Variants in ECE1 observed in about 807,000 individuals in gnomAD.
ECE1 encodes the protein endothelin converting enzyme 1, also known as endothelin-converting enzyme 1.
ECE1 carries 35 observed loss-of-function variants against 98.6 expected under a neutral mutation model. That is an observed-to-expected ratio of 0.35 (90% confidence interval 0.27 to 0.47). The LOEUF (loss-of-function observed/expected upper bound fraction) is 0.47. ECE1 is among the 20% of genes least tolerant of loss of function. ECE1 has a pLI of 1.00. For missense variants in ECE1, 814 were observed against 1,025.3 expected (o/e 0.79, Z 2.81); for synonymous variants, 394 against 407.1 (o/e 0.97, Z 0.39).
intron 2 of ECE1, chr1:21,279,560 G>A (rs2098251954): frequency 2.8e-6 from 4 of 1,444,172 alleles, no homozygotes; most frequent in Non-Finnish European, 3.6e-6. Flanking sequence ...AAGCAGCTCG[G>A]CCCCGACAGG....
chr1:21,290,675 G>A (rs1021113269), upstream of ECE1, among the ~76,000 whole-genome samples: 3 of 152,300 alleles, frequency 2.0e-5, no homozygotes, highest in East Asian at 1.9e-4. The surrounding 1 kb of genome is among the most constrained non-coding windows in gnomAD (Gnocchi z 7.3). Flanking sequence ...CCCCTCCTTC[G>A]AGAAAATCTT....
At chr1:21,259,992 C>T (rs1335238920) in intron 5 of ECE1, among the ~76,000 whole-genome samples, 4 of 152,216 alleles carry the variant, frequency 2.6e-5, no homozygotes, top group Admixed American at 2.6e-4. Context: ...CACACAGATG[C>T]ACAGAGAGAC....
At position 21,258,836 on chromosome 1, in the gene ECE1, C is replaced by A; in HGVS notation, c.619G>T (p.Gly207Trp). Residue 207 changes from glycine (G) to tryptophan (W), a missense_variant, in exon 6 of 19, where the codon GGG becomes TGG. By Grantham distance (184) the Gly-to-Trp change is radical (BLOSUM62 -2). Transcript: ENST00000374893. The surrounding 1 kb of genome is among the most constrained non-coding windows in gnomAD (Gnocchi z 4.2). ...KPLMELIERL[G>W]GWNITGPWAK... Reference sequence around the variant, plus strand: ...CAGGGACCTGTGATGTTCCAGCCCCCGAGCTGTGGGGAGGGAGAGCAGGCA... The same window carrying A: ...CAGGGACCTGTGATGTTCCAGCCCCAGAGCTGTGGGGAGGGAGAGCAGGCA... 1 of 1,614,134 alleles carries A rather than the reference C, an allele frequency of 6.2e-7. No homozygotes were observed. Among genetic ancestry groups the A allele is most frequent in the Non-Finnish European group, 8.5e-7 (1 of 1,180,024 alleles).
intron 16 of ECE1, among the ~76,000 whole-genome samples, chr1:21,226,865 A>G (rs2098174991): frequency 6.6e-6 from 1 of 152,126 alleles, no homozygotes; most frequent in Non-Finnish European, 1.5e-5. Flanking sequence ...AGCTGGGATT[A>G]CAGGCACCCG....
At chr1:21,310,219 C>A (rs567305008) in intron 1 of ECE1, among the ~76,000 whole-genome samples, 2 of 152,186 alleles carry the variant, frequency 1.3e-5, no homozygotes, top group Non-Finnish European at 2.9e-5. Context: ...TCTCCCCTGC[C>A]TCATCTTCCA....
intron 10 of ECE1, among the ~76,000 whole-genome samples, chr1:21,241,058 T>C (rs2098195523): frequency 6.6e-6 from 1 of 152,190 alleles, no homozygotes; most frequent in Non-Finnish European, 1.5e-5. Context: ...AGACATGTAA[T>C]TGCACCATCC....
chr1:21,258,969 A>G lies in ECE1; in HGVS notation c.616-130T>C. 7.5e-7 allele frequency: 1 copy of G among 1,326,208 alleles called. No individual in the cohort carries two copies. Among genetic ancestry groups the G allele is most frequent in the Admixed American group, 2.1e-5 (1 of 47,982 alleles). The allele number at this position is 1,326,208 out of a possible 1,614,324, so 82.2% of individuals were successfully genotyped here. On this transcript the variant is annotated intron_variant, in intron 5 of 18. Transcript: ENST00000374893. This position sits in a 1 kb window ranked among gnomAD's most constrained non-coding sequence, Gnocchi z 4.2. The stretch of plus-strand genomic sequence containing the variant: ...CTGACCTCTCTGAGCCTCAAGAGCA[A>G]AGGAAAGGATTGGTCTTCATCGGGG...
intron 9 of ECE1, among the ~76,000 whole-genome samples, chr1:21,245,984 G>A (rs373365180): frequency 6.6e-6 from 1 of 151,944 alleles, no homozygotes; most frequent in Non-Finnish European, 1.5e-5. Context: ...TTTTTTCAGA[G>A]CCTGGTGAGG....
chr1:21,279,469 C>A, intron 2 of ECE1, 137 bp from the exon 3 acceptor site: 1 of 1,530,700 alleles, frequency 6.5e-7, no homozygotes. Context: ...TGGTCTGGTT[C>A]CCACAGATTC....
chr1:21,262,486 C>A (rs1187140184), intron 4 of ECE1, among the ~76,000 whole-genome samples: 1 of 152,238 alleles, frequency 6.6e-6, no homozygotes, highest in Non-Finnish European at 1.5e-5. Flanking sequence ...CTCCCCAGGC[C>A]TCAGATGCAG....
chr1:21,235,252 A>G lies in ECE1; in HGVS notation c.1566+598T>C, dbSNP rs1449002241. Among the ~76,000 whole-genome samples the G allele has an allele frequency of 2.6e-5, 4 of 152,248 alleles. No homozygotes were observed. Among genetic ancestry groups the G allele is most frequent in the Non-Finnish European group, 4.4e-5 (3 of 68,048 alleles). On this transcript the variant is annotated intron_variant, in intron 13 of 18. Coordinates refer to ENST00000374893, the MANE Select transcript of ECE1 (RefSeq NM_001397.3). This position sits in a 1 kb window ranked among gnomAD's most constrained non-coding sequence, Gnocchi z 4.2. ...GAAGCACAATCCACCTAACTGAGTG[A>G]TTTGCCAAAAGTTCTAATAAGCAGG... is the stretch of plus-strand genomic sequence containing the variant.
At chr1:21,309,767 T>TC (rs920148741) in intron 1 of ECE1, among the ~76,000 whole-genome samples, 3 of 150,710 alleles carry the variant, frequency 2.0e-5, no homozygotes, top group African/African-American at 7.4e-5. Context: ...AGCTGGATTT[T>TC]CTTTTTTTTT....
chr1:21,305,533 G>A (rs1229507359), intron 1 of ECE1, among the ~76,000 whole-genome samples: 3 of 152,050 alleles, frequency 2.0e-5, no homozygotes, highest in Admixed American at 6.5e-5. Context: ...ATACACCAAC[G>A]TCCTCAGGGT....
Position 21,227,951 on chromosome 1 carries a change from G to A in ECE1, c.1761C>T (p.Phe587=). Residue 587 remains phenylalanine, a synonymous_variant, in exon 15 of 19, where the codon TTC becomes TTT. Coordinates refer to ENST00000374893, the MANE Select transcript of ECE1 (RefSeq NM_001397.3). ...VFPAGILQAP[F]YTRSSPKALN... is the part of the protein sequence containing the mutation. ...CCTACTTGGGTGAGGAGCGTGTGTA[G>A]AATGGTGCCTGCAGGATCCCGGCCG... 1 of 1,555,852 alleles carries A rather than the reference G, an allele frequency of 6.4e-7. No individual in the cohort carries two copies. Among genetic ancestry groups the A allele is most frequent in the Non-Finnish European group, 8.7e-7 (1 of 1,148,768 alleles).
rs1208968501 is a variant in ECE1, at chr1:21,235,944, G to A, written c.1489-17C>T. ...GGCATCGGCCTGGACAGGACAGACA[G>A]AGGAAGTGAGTGCCCGGCAACATCG... On this transcript the variant is annotated splice_polypyrimidine_tract_variant and intron_variant, in intron 12 of 18. Coordinates refer to ENST00000374893, the MANE Select transcript of ECE1 (RefSeq NM_001397.3). The surrounding 1 kb of genome is among the most constrained non-coding windows in gnomAD (Gnocchi z 4.2). 3 of 1,613,062 alleles carry A rather than the reference G, an allele frequency of 1.9e-6. No homozygotes were observed. The highest frequency in any genetic ancestry group is 1.7e-5 in the Admixed American group (1 of 60,014).
chr1:21,311,509 C>CAAAAAAAAAAAAAAAAAA (rs397979522), intron 1 of ECE1, among the ~76,000 whole-genome samples: 1 of 74,296 alleles, frequency 1.3e-5, no homozygotes, highest in Non-Finnish European at 2.6e-5. Flanking sequence ...CCTGTCTCCA[C>CAAAAAAAAAAAAAAAAAA]AAAAAAAAAA....
chr1:21,317,526 T>C (rs1436563099), intron 1 of ECE1, among the ~76,000 whole-genome samples: 1 of 152,244 alleles, frequency 6.6e-6, no homozygotes, highest in Non-Finnish European at 1.5e-5. Context: ...TTGAGCAATC[T>C]TGGTCCCCTG....
intron 1 of ECE1, among the ~76,000 whole-genome samples, chr1:21,310,331 A>G (rs1371294181): frequency 6.6e-6 from 1 of 152,140 alleles, no homozygotes; most frequent in East Asian, 1.9e-4. Flanking sequence ...GGTAGCTGAG[A>G]GCCCTAGAGA....
At chr1:21,334,902 T>C (rs1639276812) in intron 1 of ECE1, among the ~76,000 whole-genome samples, 1 of 151,432 alleles carries the variant, frequency 6.6e-6, no homozygotes, top group Admixed American at 6.6e-5. Flanking sequence ...CCCCCTACAG[T>C]CCATGCTCTA....
Sources: allele counts gnomAD v4.1 joint callset (sites outside exome capture counted in the v4.1 genomes callset), GRCh38; gene constraint gnomAD v4.1.1; non-coding constraint Gnocchi (gnomAD v3.1); transcripts MANE v1.5; gene names NCBI Gene and HGNC (gene_info 2026-07-23, HGNC 2026-07-21).